The following HCN1 variants were observed in gnomAD, a reference collection of about 807,000 sequenced individuals.
HCN1 encodes the protein potassium/sodium hyperpolarization-activated cyclic nucleotide-gated channel 1.
In HCN1, 13 loss-of-function variants were observed where a neutral mutation model predicts 78.9. The observed-to-expected ratio is 0.16, with a 90% CI of 0.11 to 0.26. HCN1 has a LOEUF of 0.26. Ranked by LOEUF, HCN1 falls within the 10% of genes least tolerant of loss-of-function variation. HCN1 has a pLI of 1.00. For missense variants in HCN1, 810 were observed against 1,154.3 expected, an observed-to-expected ratio of 0.70 and a Z score of 4.32; for synonymous variants, 552 against 455.5, an observed-to-expected ratio of 1.21 and a Z score of -2.70.
chr5:45,547,313 T>C (rs925044071), intron 2 of HCN1, among the ~76,000 whole-genome samples: 1 of 151,894 alleles, frequency 6.6e-6, no homozygotes, highest in Non-Finnish European at 1.5e-5. Context: ...ATAAAACACA[T>C]TGGAAGGGAT....
At chr5:45,593,558 A>T (rs1744429022) in intron 2 of HCN1, among the ~76,000 whole-genome samples, 2 of 152,050 alleles carry the variant, frequency 1.3e-5, no homozygotes, top group South Asian at 4.1e-4. Flanking sequence ...ACCTCATTTA[A>T]CCTTGTTACT....
intron 2 of HCN1, among the ~76,000 whole-genome samples, chr5:45,495,743 T>C (rs1262989452): frequency 6.6e-6 from 1 of 152,190 alleles, no homozygotes; most frequent in Non-Finnish European, 1.5e-5. Context: ...GGGTTTGTCA[T>C]AGATAGCTCT....
At chr5:45,463,036 A>T (rs1221229109) in intron 2 of HCN1, among the ~76,000 whole-genome samples, 3 of 152,060 alleles carry the variant, frequency 2.0e-5, no homozygotes, top group African/African-American at 4.8e-5. Context: ...TTGAGTAAGT[A>T]CTTATAAACA....
intron 2 of HCN1, among the ~76,000 whole-genome samples, chr5:45,602,129 T>C (rs763546333): frequency 4.6e-5 from 7 of 152,096 alleles, no homozygotes; most frequent in Admixed American, 6.6e-5. Context: ...TCCCAAGCCA[T>C]GCAAAACTAT....
At chr5:45,531,950 G>T (rs13164549) in intron 2 of HCN1, among the ~76,000 whole-genome samples, 13,476 of 152,150 alleles carry the variant, frequency 0.089, 707 homozygotes, top group Admixed American at 0.13. Context: ...TGAGGCAGGA[G>T]AATTGCTTGA....
At position 45,405,528 on chromosome 5, in the gene HCN1, C is replaced by G. The variant is rs577112626; in HGVS notation, c.1012-8818G>C. Reference sequence around the variant, plus strand: ...GCTCAAGTGACCCTCCTGCTTCAACCTCCTGAGTAGCTAGGACTATACACG... The same window carrying G: ...GCTCAAGTGACCCTCCTGCTTCAACGTCCTGAGTAGCTAGGACTATACACG... On this transcript the variant is annotated intron_variant, in intron 3 of 7. Transcript: ENST00000303230. Among the ~76,000 whole-genome samples the G allele has an allele frequency of 8.9e-4, 136 of 152,224 alleles. No homozygotes were observed. The Middle Eastern group carries it at 0.014, about 15-fold the overall frequency.
intron 2 of HCN1, among the ~76,000 whole-genome samples, chr5:45,479,664 G>A (rs1477780535): frequency 6.6e-6 from 1 of 152,188 alleles, no homozygotes; most frequent in East Asian, 1.9e-4. Context: ...GTAGGTGGAA[G>A]CATTCAACAC....
intron 4 of HCN1, among the ~76,000 whole-genome samples, chr5:45,375,380 TATA>T (rs1381204612): frequency 2.7e-5 from 3 of 112,442 alleles, no homozygotes; most frequent in Non-Finnish European, 5.1e-5. Context: ...ATATATATAA[TATA>T]ATATTTTATG....
intron 1 of HCN1, among the ~76,000 whole-genome samples, chr5:45,685,647 G>C (rs1561244802): frequency 6.6e-6 from 1 of 152,138 alleles, no homozygotes; most frequent in Admixed American, 6.5e-5. Context: ...AGGAGGCAGA[G>C]GTTGCGGTGA....
intron 2 of HCN1, among the ~76,000 whole-genome samples, chr5:45,593,212 GCA>G (rs58822250): frequency 0.18 from 27,254 of 149,330 alleles, 2,629 homozygotes; most frequent in African/African-American, 0.25. Flanking sequence ...GCACGCACGC[GCA>G]CACACACACA....
At chr5:45,377,530 G>T (rs1187799400) in intron 4 of HCN1, among the ~76,000 whole-genome samples, 1 of 151,692 alleles carries the variant, frequency 6.6e-6, no homozygotes, top group Non-Finnish European at 1.5e-5. Flanking sequence ...AGCCTTAGTT[G>T]ACAGACTGCC....
At chr5:45,294,608 T>A (rs1745451463) in intron 6 of HCN1, among the ~76,000 whole-genome samples, 1 of 152,056 alleles carries the variant, frequency 6.6e-6, no homozygotes, top group Admixed American at 6.6e-5. Context: ...AAACAAACTT[T>A]TCTTTAAAAT....
chr5:45,529,984 A>AT (rs1742805923), intron 2 of HCN1, among the ~76,000 whole-genome samples: 3 of 152,212 alleles, frequency 2.0e-5, no homozygotes, highest in East Asian at 1.9e-4. Context: ...ATGCTTCTGG[A>AT]TTTTCCTGTT....
intron 4 of HCN1, among the ~76,000 whole-genome samples, chr5:45,388,312 T>A (rs972893417): frequency 3.3e-5 from 5 of 152,146 alleles, no homozygotes; most frequent in Admixed American, 1.3e-4. Context: ...AAAAAATTTC[T>A]CAGCCTCCTT....
At chr5:45,526,506 C>T (rs1742738312) in intron 2 of HCN1, among the ~76,000 whole-genome samples, 1 of 152,076 alleles carries the variant, frequency 6.6e-6, no homozygotes, top group Non-Finnish European at 1.5e-5. Flanking sequence ...GTCCCAATCC[C>T]ACTACTTCCT....
At chr5:45,515,501 A>C (rs756125361) in intron 2 of HCN1, among the ~76,000 whole-genome samples, 2 of 152,146 alleles carry the variant, frequency 1.3e-5, no homozygotes, top group Non-Finnish European at 2.9e-5. Context: ...AATGTATTAC[A>C]CTTTTATTCT....
intron 5 of HCN1, among the ~76,000 whole-genome samples, chr5:45,312,274 C>A (rs926894323): frequency 6.6e-6 from 1 of 152,110 alleles, no homozygotes; most frequent in African/African-American, 2.4e-5. Flanking sequence ...ATATTATATA[C>A]AAGAATGAAA....
intron 5 of HCN1, among the ~76,000 whole-genome samples, chr5:45,327,149 T>C (rs1185588405): frequency 6.6e-6 from 1 of 151,612 alleles, no homozygotes; most frequent in Middle Eastern, 3.2e-3. Context: ...CGTCCATCTG[T>C]AGCAAGGTGT....
chr5:45,548,564 C>G (rs747253653), intron 2 of HCN1, among the ~76,000 whole-genome samples: 5 of 152,066 alleles, frequency 3.3e-5, no homozygotes. Context: ...AAACTGGAAG[C>G]ATTCCCTTTG....
Sources: allele counts gnomAD v4.1 joint callset (sites outside exome capture counted in the v4.1 genomes callset), GRCh38; gene constraint gnomAD v4.1.1; transcripts MANE v1.5; gene names NCBI Gene and HGNC (gene_info 2026-07-23, HGNC 2026-07-21).